NPAS3: variants seen among roughly 807,000 people sequenced by gnomAD.
NPAS3 encodes neuronal PAS domain-containing protein 3.
Under a neutral mutation model 73.1 loss-of-function variants are expected in NPAS3, and 14 were observed. The ratio of observed to expected loss-of-function variants is 0.19; its 90% CI spans 0.13 to 0.30. NPAS3 has a LOEUF of 0.30. Ranked by LOEUF, NPAS3 falls within the 10% of genes least tolerant of loss-of-function variation. The pLI is 1.00. For synonymous variants in NPAS3, 620 were observed against 541.5 expected (o/e 1.14, Z -2.01); for missense variants, 1,096 against 1,250.0 (o/e 0.88, Z 1.86).
chr14:33,298,053 G>T (rs905512665), intron 3 of NPAS3, among the ~76,000 whole-genome samples: 3 of 152,112 alleles, frequency 2.0e-5, no homozygotes, highest in Non-Finnish European at 2.9e-5. Context: ...AGGCCGAGGT[G>T]GGTGGATCAC....
chr14:33,232,400 G>A (rs2047884451), intron 3 of NPAS3, among the ~76,000 whole-genome samples: 1 of 152,162 alleles, frequency 6.6e-6, no homozygotes, highest in Admixed American at 6.6e-5. Flanking sequence ...CATATTATGA[G>A]ATCATACTTT....
chr14:33,649,717 AGGGAAG>A (rs1451968824), intron 5 of NPAS3, among the ~76,000 whole-genome samples: 1 of 152,226 alleles, frequency 6.6e-6, no homozygotes, highest in Non-Finnish European at 1.5e-5. Flanking sequence ...GAGAATAGGC[AGGGAAG>A]GGGAATAGGG....
In NPAS3 at chr14:33,170,272, C is replaced by T. The variant is rs190200117; in HGVS notation, c.141-44910C>T. Among the ~76,000 whole-genome samples the T allele has an allele frequency of 2.6e-5, 4 of 152,206 alleles. No homozygotes were observed. In the East Asian group the frequency reaches 7.7e-4, roughly 29 times the overall value. ...TGCTGTAGTCTAAGGGTGCAATAGCCTTATGTCTATAAAAAAGCGTATGTC... is the reference window on the plus strand; with the variant it reads ...TGCTGTAGTCTAAGGGTGCAATAGCTTTATGTCTATAAAAAAGCGTATGTC... On this transcript the variant is annotated intron_variant, in intron 2 of 11. Coordinates refer to ENST00000356141, the Ensembl canonical transcript of NPAS3.
At chr14:33,732,068 G>T (rs1160364981) in intron 6 of NPAS3, among the ~76,000 whole-genome samples, 3 of 152,172 alleles carry the variant, frequency 2.0e-5, no homozygotes, top group African/African-American at 7.2e-5. Flanking sequence ...GCCTCAAAAA[G>T]TTGACAGAAA....
intron 4 of NPAS3, among the ~76,000 whole-genome samples, chr14:33,496,303 A>G (rs1364584709): frequency 6.6e-6 from 1 of 152,150 alleles, no homozygotes; most frequent in Middle Eastern, 3.2e-3. Flanking sequence ...TTCTGAAACT[A>G]TTCCAATCAA....
chr14:33,404,370 A>G (rs1234051514), intron 4 of NPAS3, among the ~76,000 whole-genome samples: 5 of 152,130 alleles, frequency 3.3e-5, no homozygotes, highest in African/African-American at 1.2e-4. Context: ...ATGGTGACAC[A>G]TAAGGCACTG....
At chr14:33,097,651 T>C (rs542667371) in intron 2 of NPAS3, among the ~76,000 whole-genome samples, 1 of 152,362 alleles carries the variant, frequency 6.6e-6, no homozygotes, top group South Asian at 2.1e-4. Flanking sequence ...AGAATTCCAG[T>C]AACTCTTTAT....
chr14:33,227,031 A>G (rs1566699466), intron 3 of NPAS3, among the ~76,000 whole-genome samples: 1 of 152,210 alleles, frequency 6.6e-6, no homozygotes, highest in Non-Finnish European at 1.5e-5. Flanking sequence ...GAAAAGAGGC[A>G]TGAAGATAAC....
intron 1 of NPAS3, among the ~76,000 whole-genome samples, chr14:32,966,489 A>T (rs1595108570): frequency 6.6e-6 from 1 of 152,222 alleles, no homozygotes; most frequent in South Asian, 2.1e-4. Context: ...GGAAAACTGG[A>T]TATCTACATG....
intron 3 of NPAS3, among the ~76,000 whole-genome samples, chr14:33,347,950 T>A (rs2044826300): frequency 6.6e-6 from 1 of 152,028 alleles, no homozygotes; most frequent in Non-Finnish European, 1.5e-5. Context: ...GAGGGCCAAC[T>A]CTATAAGTAA....
At chr14:33,518,195 G>A (rs546541716) in intron 4 of NPAS3, among the ~76,000 whole-genome samples, 2 of 152,002 alleles carry the variant, frequency 1.3e-5, no homozygotes, top group African/African-American at 4.8e-5. Flanking sequence ...CTCAGGCAGC[G>A]GGGGAGCCTT....
rs146854404 is a variant in NPAS3 at position 33,563,517 on chromosome 14, T to TACACACACACACACACACACAC, written c.558+3328_558+3329insCACACACACACACACACACACA. ...CTTGACTTTGCCAGATACACATACA[T>TACACACACACACACACACACAC]ACACACACACACACACACACAGAGA... On this transcript the variant is annotated intron_variant, in intron 5 of 11. Coordinates refer to ENST00000356141, the Ensembl canonical transcript of NPAS3. Among the ~76,000 whole-genome samples the TACACACACACACACACACACAC allele has an allele frequency of 4.4e-3, 465 of 106,822 alleles. 8 individuals carry two copies. The highest frequency in any genetic ancestry group is 0.016 in the African/African-American group (392 of 24,214). 70.1% of individuals were successfully genotyped at this position (106,822 alleles called of 152,430 possible). A position where few individuals can be genotyped will look rare whatever the true frequency, so the allele number is the denominator to read the frequency against.
intron 2 of NPAS3, among the ~76,000 whole-genome samples, chr14:33,178,115 G>A (rs568648211): frequency 7.5e-5 from 10 of 133,434 alleles, no homozygotes; most frequent in Admixed American, 1.8e-4. Flanking sequence ...TTGCTCTGTC[G>A]CCAGGTTGGA....
At chr14:33,523,518 T>G (rs1160002230) in intron 4 of NPAS3, among the ~76,000 whole-genome samples, 1 of 148,788 alleles carries the variant, frequency 6.7e-6, no homozygotes, top group Non-Finnish European at 1.5e-5. Context: ...ATCCCAGCAC[T>G]TTGGGAGGCT....
At chr14:33,761,596 C>G (rs1307672182) in intron 7 of NPAS3, among the ~76,000 whole-genome samples, 1 of 151,850 alleles carries the variant, frequency 6.6e-6, no homozygotes, top group Non-Finnish European at 1.5e-5. Context: ...ATGGAACAAT[C>G]TTTTCAGTTT....
At chr14:33,423,419 T>C (rs1446207264) in intron 4 of NPAS3, among the ~76,000 whole-genome samples, 1 of 152,010 alleles carries the variant, frequency 6.6e-6, no homozygotes, top group African/African-American at 2.4e-5. Flanking sequence ...TACCCAAATA[T>C]ACCTTGCTAA....
chr14:33,291,636 A>G (rs2042103580), intron 3 of NPAS3, among the ~76,000 whole-genome samples: 1 of 152,216 alleles, frequency 6.6e-6, no homozygotes, highest in Non-Finnish European at 1.5e-5. Context: ...CGCTGGCTTT[A>G]TATTTTTGAG....
chr14:33,416,358 G>A (rs2048148351), intron 4 of NPAS3, among the ~76,000 whole-genome samples: 2 of 152,000 alleles, frequency 1.3e-5, no homozygotes, highest in Admixed American at 1.3e-4. Context: ...GATATACTGA[G>A]ATTTTATCTG....
At chr14:33,415,510 T>G (rs2048110305) in intron 4 of NPAS3, among the ~76,000 whole-genome samples, 1 of 152,156 alleles carries the variant, frequency 6.6e-6, no homozygotes, top group Admixed American at 6.6e-5. Context: ...AACACTTGCT[T>G]CAATCTTCTC....
Sources: gnomAD v4.1 joint callset for allele counts (sites outside exome capture counted in the v4.1 genomes callset) on GRCh38, gnomAD v4.1.1 for gene constraint, MANE v1.5 for transcripts, NCBI Gene and HGNC (gene_info 2026-07-23, HGNC 2026-07-21) for gene names.